AGAP3: variants seen among roughly 807,000 people sequenced by gnomAD.
AGAP3 encodes ArfGAP with GTPase domain, ankyrin repeat and PH domain 3.
A neutral mutation model predicts 96.9 loss-of-function variants in AGAP3; 24 were observed. That is an observed-to-expected ratio of 0.25 (90% CI 0.18 to 0.35). The LOEUF is 0.35. Among genes scored for constraint, AGAP3 ranks in the 10% least tolerant of loss-of-function variants. AGAP3 has a pLI of 1.00. For synonymous variants in AGAP3, 563 were observed against 536.1 expected, an observed-to-expected ratio of 1.05 and a Z score of -0.69; for missense variants, 876 against 1,254.2, an observed-to-expected ratio of 0.70 and a Z score of 4.55.
rs188277193 is a variant in AGAP3 at position 151,095,011 on chromosome 7, A to G, written c.331+7939A>G. ...CACCTCAGCCTCTTGAGTAGCTGGG[A>G]CTCAGGCATGTGTCACCACATCTGG... On this transcript the variant is annotated intron_variant, in intron 1 of 17. Transcript: ENST00000397238. Among the ~76,000 whole-genome samples the G allele has an allele frequency of 6.7e-4, 102 of 151,876 alleles. No individual in the cohort carries two copies. In the East Asian group the frequency reaches 0.013, roughly 20 times the overall value.
intron 7 of AGAP3, 46 bp from the exon 8 acceptor site, chr7:151,119,941 C>A (rs1209906644): frequency 3.1e-6 from 5 of 1,601,938 alleles, no homozygotes; most frequent in Non-Finnish European, 4.3e-6. Context: ...GGTGCCCGTC[C>A]CGCCCCTGAC....
chr7:151,109,612 A>G (rs1032354212), intron 1 of AGAP3, among the ~76,000 whole-genome samples: 13 of 152,172 alleles, frequency 8.5e-5, no homozygotes, highest in Admixed American at 3.9e-4. Context: ...CCTCATCTTA[A>G]TTACATCTGC....
In AGAP3 at chr7:151,114,888, G is replaced by A; in HGVS notation, c.332-1905G>A. 2 of 1,004,228 alleles carry A rather than the reference G, an allele frequency of 2.0e-6. No homozygotes were observed. Among genetic ancestry groups the A allele is most frequent in the Non-Finnish European group, 1.2e-6 (1 of 845,258 alleles). 62.2% of individuals were successfully genotyped at this position (1,004,228 alleles called of 1,614,324 possible). A position where few individuals can be genotyped will look rare whatever the true frequency, so the allele number is the denominator to read the frequency against. On this transcript the variant is annotated intron_variant, in intron 1 of 17. Coordinates refer to ENST00000397238, the MANE Select transcript of AGAP3 (RefSeq NM_031946.7). The surrounding 1 kb of genome is among the most constrained non-coding windows in gnomAD (Gnocchi z 4.4). ...GCACGGCGCCTCGGCCGGCCGCGCT[G>A]CCGCCGCCCTGCAGGCCGCCCTCTG...
At position 151,133,039 on chromosome 7, in the gene AGAP3, C is replaced by T. The variant is rs574472657; in HGVS notation, c.1327-1361C>T. On this transcript the variant is annotated intron_variant, in intron 10 of 17. Transcript: ENST00000397238. The surrounding 1 kb of genome is among the most constrained non-coding windows in gnomAD (Gnocchi z 5.4). ...CGGGCTCCTCAGGGTAGGAGGAGCG[C>T]GTCTGGGAAGGCTCGTCGCACGGCC... Among the ~76,000 whole-genome samples the T allele has an allele frequency of 6.6e-6, 1 of 152,116 alleles. No individual in the cohort carries two copies. Among genetic ancestry groups the T allele is most frequent in the East Asian group, 1.9e-4 (1 of 5,186 alleles).
chr7:151,138,341 C>A, intron 12 of AGAP3, 28 bp downstream of exon 12: 1 of 1,584,338 alleles, frequency 6.3e-7, no homozygotes, highest in South Asian at 1.1e-5. Flanking sequence ...TGCTTCCCAC[C>A]TTTTCTGGGG....
intron 1 of AGAP3, chr7:151,115,137 C>T: frequency 9.6e-7 from 1 of 1,041,850 alleles, no homozygotes; most frequent in South Asian, 3.2e-5. Flanking sequence ...TCCGCGGCCC[C>T]GGCCGGCCAG....
At chr7:151,112,102 C>T (rs934768764) in intron 1 of AGAP3, 2 of 152,246 alleles carry the variant, frequency 1.3e-5, no homozygotes, top group East Asian at 1.9e-4. Context: ...AGGTGTGTGC[C>T]TGCAGCTGTT....
At chr7:151,091,583 G>A (rs1001832938) in intron 1 of AGAP3, among the ~76,000 whole-genome samples, 4 of 152,212 alleles carry the variant, frequency 2.6e-5, no homozygotes, top group African/African-American at 7.2e-5. Context: ...AGAGGCACTG[G>A]GAGTCCAGAA....
chr7:151,126,483 G>A lies in AGAP3; in HGVS notation c.1222-2097G>A, dbSNP rs141473204. On this transcript the variant is annotated intron_variant, in intron 9 of 17. Coordinates refer to ENST00000397238, the MANE Select transcript of AGAP3 (RefSeq NM_031946.7). ...GGGAGAGGGAAGCACGCCTAGTGGG[G>A]TGAGGGGAGTCGGGACGGGGGCGGG... 4.9e-3 allele frequency among the ~76,000 whole-genome samples: 729 copies of A among 148,252 alleles called. 6 individuals carry two copies. Among genetic ancestry groups the A allele is most frequent in the Middle Eastern group, 0.025 (7 of 276 alleles).
chr7:151,112,544 G>A (rs1055971410), intron 1 of AGAP3, among the ~76,000 whole-genome samples: 3 of 151,952 alleles, frequency 2.0e-5, no homozygotes, highest in Admixed American at 1.3e-4. Flanking sequence ...GTCGGATACC[G>A]TGTCCCCATC....
chr7:151,144,009 A>G lies in AGAP3; in HGVS notation c.*66A>G. 5 of 1,478,668 alleles carry G rather than the reference A, an allele frequency of 3.4e-6. No individual in the cohort carries two copies. Among genetic ancestry groups the G allele is most frequent in the Non-Finnish European group, 4.7e-6 (5 of 1,073,658 alleles). The allele number at this position is 1,478,668 out of a possible 1,614,324, so 91.6% of individuals were successfully genotyped here. A position where few individuals can be genotyped will look rare whatever the true frequency, so the allele number is the denominator to read the frequency against. On this transcript the variant is annotated 3_prime_UTR_variant, in exon 18 of 18. Coordinates refer to ENST00000397238, the MANE Select transcript of AGAP3 (RefSeq NM_031946.7). ...CCCAAAGACCCTCCTCCCTGCAGGC[A>G]CTGTGGGAACAGACACAGAGATGGA...
Position 151,143,531 on chromosome 7 carries a change from G to A in AGAP3, c.2464G>A (p.Gly822Arg), listed in dbSNP as rs1800904260. ...GAATGAGACCTATGGGGACGGGGAC[G>A]GGCGGACGGCTCTACATCTCTCCAG... ...EVNETYGDGD[G>R]RTALHLSSAM... The change falls in exon 17 of 18, where the codon GGG becomes AGG. Residue 822 changes from glycine (G) to arginine (R), a missense_variant. By Grantham distance (125) the Gly-to-Arg change is moderately radical (BLOSUM62 -2). Transcript: ENST00000397238. The surrounding 1 kb of genome is among the most constrained non-coding windows in gnomAD (Gnocchi z 5.9). 5 of 1,613,960 alleles carry A rather than the reference G, an allele frequency of 3.1e-6. No homozygotes were observed. The highest frequency in any genetic ancestry group is 3.4e-6 in the Non-Finnish European group (4 of 1,179,968).
Position 151,133,673 on chromosome 7 carries a change from C to G in AGAP3, c.1327-727C>G, listed in dbSNP as rs191975215. The stretch of plus-strand genomic sequence containing the variant: ...GATAAGCCTTTCTAAGCCTCAGTTG[C>G]TTCATCTACAAAACAGGCACTACCT... On this transcript the variant is annotated intron_variant, in intron 10 of 17. Coordinates refer to ENST00000397238, the MANE Select transcript of AGAP3 (RefSeq NM_031946.7). This position sits in a 1 kb window ranked among gnomAD's most constrained non-coding sequence, Gnocchi z 5.4. 6.6e-6 allele frequency among the ~76,000 whole-genome samples: 1 copy of G among 152,340 alleles called. No homozygotes were observed. The highest frequency in any genetic ancestry group is 2.4e-5 in the African/African-American group (1 of 41,578).
rs746753299 is a variant in AGAP3, at chr7:151,117,464, T to G, written c.564+8T>G. On this transcript the variant is annotated splice_region_variant and intron_variant, in intron 4 of 17. Coordinates refer to ENST00000397238, the MANE Select transcript of AGAP3 (RefSeq NM_031946.7). ...GGCCCCCCTGAGCTCCAGGTGATGC[T>G]CCTGCCCAGGGTTAGGGCCCACCGC... 1.9e-6 allele frequency: 3 copies of G among 1,614,172 alleles called. No homozygotes were observed. The South Asian group carries it at 3.3e-5, about 18-fold the overall frequency.
chr7:151,108,188 G>A lies in AGAP3; in HGVS notation c.332-8605G>A, dbSNP rs567829324. Among the ~76,000 whole-genome samples, 1 of 152,304 alleles carries A rather than the reference G, an allele frequency of 6.6e-6. No individual in the cohort carries two copies. The highest frequency in any genetic ancestry group is 2.1e-4 in the South Asian group (1 of 4,824). Reference sequence around the variant, plus strand: ...GAGGCCAGATGGGGGACATGCTAAGGGACCGAGTCTTCGAGGGGAGGGCCT... The same window carrying A: ...GAGGCCAGATGGGGGACATGCTAAGAGACCGAGTCTTCGAGGGGAGGGCCT... On this transcript the variant is annotated intron_variant, in intron 1 of 17. Transcript: ENST00000397238. This position sits in a 1 kb window ranked among gnomAD's most constrained non-coding sequence, Gnocchi z 4.2.
At chr7:151,131,574 C>T (rs940112143) in intron 10 of AGAP3, among the ~76,000 whole-genome samples, 1 of 152,208 alleles carries the variant, frequency 6.6e-6, no homozygotes, top group Non-Finnish European at 1.5e-5. Context: ...TGATGCTCCT[C>T]AAGCTTCTCT....
At chr7:151,097,201 T>C (rs564023345) in intron 1 of AGAP3, among the ~76,000 whole-genome samples, 1 of 152,256 alleles carries the variant, frequency 6.6e-6, no homozygotes, top group Non-Finnish European at 1.5e-5. Flanking sequence ...CTTATGTTGC[T>C]ATAAAGAGAC....
In AGAP3 at chr7:151,103,184, C is replaced by A. The variant is rs372950888; in HGVS notation, c.332-13609C>A. On this transcript the variant is annotated intron_variant, in intron 1 of 17. Coordinates refer to ENST00000397238, the MANE Select transcript of AGAP3 (RefSeq NM_031946.7). ...GCATCCCTACAGGGTAGTATTAACCCCATTTTGCAGATGAGGAAACTGAGG... is the reference window on the plus strand; with the variant it reads ...GCATCCCTACAGGGTAGTATTAACCACATTTTGCAGATGAGGAAACTGAGG... Among the ~76,000 whole-genome samples the A allele has an allele frequency of 1.2e-4, 18 of 152,348 alleles. 1 individual carries two copies. The highest frequency in any genetic ancestry group is 1.2e-3 in the East Asian group (6 of 5,188).
At position 151,142,897 on chromosome 7, in the gene AGAP3, G is replaced by A. The variant is rs996985020; in HGVS notation, c.2273+263G>A. On this transcript the variant is annotated intron_variant, in intron 16 of 17. Transcript: ENST00000397238. The surrounding 1 kb of genome is among the most constrained non-coding windows in gnomAD (Gnocchi z 7.5). Reference sequence around the variant, plus strand: ...TGCGCAGGGCCCCTATCACGGTGTGGTGCAGAGCGCCCACTCCGGAGCTCT... The same window carrying A: ...TGCGCAGGGCCCCTATCACGGTGTGATGCAGAGCGCCCACTCCGGAGCTCT... Among the ~76,000 whole-genome samples the A allele has an allele frequency of 6.6e-6, 1 of 152,220 alleles. No individual in the cohort carries two copies. The highest frequency in any genetic ancestry group is 2.4e-5 in the African/African-American group (1 of 41,466).
Sources: gnomAD v4.1 joint callset for allele counts (sites outside exome capture counted in the v4.1 genomes callset) on GRCh38, gnomAD v4.1.1 for gene constraint, Gnocchi (gnomAD v3.1) non-coding constraint, MANE v1.5 for transcripts, NCBI Gene and HGNC (gene_info 2026-07-23, HGNC 2026-07-21) for gene names.